Variants in CDC25C observed in about 807,000 individuals in gnomAD.
The protein encoded by CDC25C is M-phase inducer phosphatase 3.
CDC25C carries 48 observed loss-of-function variants against 52.5 expected under a neutral mutation model. That is an observed-to-expected ratio of 0.91 (90% CI 0.72 to 1.16). The LOEUF is 1.16. CDC25C is among the 50% of genes most tolerant of loss of function. The probability of loss-of-function intolerance (pLI) is 0.00; values close to 1 mark genes in which losing one functional copy is unlikely to be tolerated. For missense variants in CDC25C, 510 were observed against 566.1 expected, an observed-to-expected ratio of 0.90 and a Z score of 1.01; for synonymous variants, 187 against 206.5, an observed-to-expected ratio of 0.91 and a Z score of 0.81.
At chr5:138,316,916 C>T (rs1758920478) in intron 7 of CDC25C, among the ~76,000 whole-genome samples, 2 of 152,132 alleles carry the variant, frequency 1.3e-5, no homozygotes, top group Non-Finnish European at 2.9e-5. Context: ...TGCTAACCCT[C>T]TACTTGTCTG....
intron 7 of CDC25C, among the ~76,000 whole-genome samples, chr5:138,297,365 T>A (rs1277855743): frequency 6.6e-6 from 1 of 152,128 alleles, no homozygotes; most frequent in Non-Finnish European, 1.5e-5. Flanking sequence ...CCGGCCTAGT[T>A]CTTTATTTCT....
chr5:138,328,409 G>A (rs1485728840), intron 4 of CDC25C, 75 bp downstream of exon 4: 12 of 1,354,732 alleles, frequency 8.9e-6, no homozygotes, highest in Non-Finnish European at 1.2e-5. Context: ...ACTCTGCAGA[G>A]TCTGCACAGG....
intron 6 of CDC25C, among the ~76,000 whole-genome samples, chr5:138,323,606 C>G (rs1283194624): frequency 6.6e-6 from 1 of 152,090 alleles, no homozygotes. Context: ...GCCACAACAT[C>G]TGGCCTAATT....
intron 7 of CDC25C, among the ~76,000 whole-genome samples, chr5:138,303,841 T>C (rs763967559): frequency 4.6e-5 from 7 of 152,204 alleles, no homozygotes; most frequent in Admixed American, 2.6e-4. Context: ...CAGATACTAC[T>C]GTATCTCTGG....
At chr5:138,325,481 CA>C (rs1376931448) in intron 6 of CDC25C, among the ~76,000 whole-genome samples, 1 of 152,102 alleles carries the variant, frequency 6.6e-6, no homozygotes, top group Non-Finnish European at 1.5e-5. Flanking sequence ...ACAAGTTATG[CA>C]AGTTATCCCT....
At chr5:138,332,941 T>C (rs976800559), upstream of CDC25C, among the ~76,000 whole-genome samples, 2 of 152,140 alleles carry the variant, frequency 1.3e-5, no homozygotes, top group African/African-American at 4.8e-5. Context: ...TGTTGAGTGA[T>C]GGGGGCAGGA....
rs964390388 is a variant in CDC25C at position 138,320,821 on chromosome 5, C to T, written c.460-1447G>A. On this transcript the variant is annotated intron_variant, in intron 6 of 13. Transcript: ENST00000323760. ...ATCCCAGCTACTAGGGAGGTTAAGG[C>T]ATAAGAATCACCTGAACCTGGGAGA... Among the ~76,000 whole-genome samples, 202 of 141,124 alleles carry T rather than the reference C, an allele frequency of 1.4e-3. 1 individual carries two copies. Among genetic ancestry groups the T allele is most frequent in the African/African-American group, 4.9e-3 (185 of 37,880 alleles). The allele number at this position is 141,124 out of a possible 152,430, so 92.6% of individuals were successfully genotyped here.
At chr5:138,318,694 G>C (rs993659248) in intron 7 of CDC25C, among the ~76,000 whole-genome samples, 10 of 152,090 alleles carry the variant, frequency 6.6e-5, no homozygotes, top group African/African-American at 2.4e-4. Flanking sequence ...CAGCCTAGGC[G>C]ACAGAGCGAG....
intron 7 of CDC25C, among the ~76,000 whole-genome samples, chr5:138,307,223 G>T (rs1182123868): frequency 6.6e-6 from 1 of 151,852 alleles, no homozygotes; most frequent in Non-Finnish European, 1.5e-5. Flanking sequence ...TGACTTTATG[G>T]CCATGCATGG....
chr5:138,328,540 A>G lies in CDC25C; in HGVS notation c.290-11T>C. Reference sequence around the variant, plus strand: ...AAGAATCCAGGTGACCTGCAATCAAATATAAAGAATCAGTAAAAGGAGTTA... The same window carrying G: ...AAGAATCCAGGTGACCTGCAATCAAGTATAAAGAATCAGTAAAAGGAGTTA... On this transcript the variant is annotated splice_polypyrimidine_tract_variant and intron_variant, in intron 3 of 13. Transcript: ENST00000323760. 1 of 1,610,818 alleles carries G rather than the reference A, an allele frequency of 6.2e-7. No individual in the cohort carries two copies. Among genetic ancestry groups the G allele is most frequent in the South Asian group, 1.1e-5 (1 of 91,002 alleles).
chr5:138,331,547 G>A (rs1760388104), intron 1 of CDC25C, 48 bp downstream of exon 1: 1 of 1,073,378 alleles, frequency 9.3e-7, no homozygotes. Context: ...CCCTAAGGGG[G>A]ACAATGGGGT....
chr5:138,327,314 A>G (rs886810501), intron 4 of CDC25C, among the ~76,000 whole-genome samples: 4 of 145,088 alleles, frequency 2.8e-5, no homozygotes, highest in Non-Finnish European at 6.0e-5. Context: ...TATCTGGGTT[A>G]GAGCATTTAA....
intron 2 of CDC25C, among the ~76,000 whole-genome samples, chr5:138,330,406 G>A (rs568978601): frequency 2.0e-5 from 3 of 152,280 alleles, no homozygotes; most frequent in African/African-American, 4.8e-5. Flanking sequence ...CTAATAAAGT[G>A]ACCGACTCGT....
At chr5:138,287,642 A>G (rs11568004) in intron 10 of CDC25C, among the ~76,000 whole-genome samples, 4,164 of 152,174 alleles carry the variant, frequency 0.027, 83 homozygotes, top group Middle Eastern at 0.037. Context: ...ACCCACCATC[A>G]AAAAGGAAGA....
intron 1 of CDC25C, chr5:138,337,419 T>C (rs72803838): frequency 0.014 from 2,146 of 154,028 alleles, 23 homozygotes; most frequent in Non-Finnish European, 0.023. Flanking sequence ...CCTCCTTCCC[T>C]TTCTGTTTAA....
At chr5:138,298,271 G>A (rs2126694606) in intron 7 of CDC25C, among the ~76,000 whole-genome samples, 1 of 151,364 alleles carries the variant, frequency 6.6e-6, no homozygotes, top group East Asian at 1.9e-4. Flanking sequence ...AAAGTGCTGG[G>A]ATTACAGATG....
At chr5:138,312,825 G>A (rs1758552371) in intron 7 of CDC25C, among the ~76,000 whole-genome samples, 1 of 151,990 alleles carries the variant, frequency 6.6e-6, no homozygotes, top group South Asian at 2.1e-4. Context: ...TGGTTATGAT[G>A]ATAAAGGTTA....
chr5:138,310,559 A>C (rs1359319635), intron 7 of CDC25C, among the ~76,000 whole-genome samples: 1 of 152,218 alleles, frequency 6.6e-6, no homozygotes, highest in Non-Finnish European at 1.5e-5. Flanking sequence ...AAGCACTTAC[A>C]CTACACAATA....
chr5:138,335,899 T>C (rs1333421243), upstream of CDC25C, among the ~76,000 whole-genome samples: 1 of 151,728 alleles, frequency 6.6e-6, no homozygotes, highest in Non-Finnish European at 1.5e-5. Flanking sequence ...ATTTAATTAA[T>C]AATAAAAAGG....
Sources: allele counts gnomAD v4.1 joint callset (sites outside exome capture counted in the v4.1 genomes callset), GRCh38; gene constraint gnomAD v4.1.1; transcripts MANE v1.5; gene names NCBI Gene and HGNC (gene_info 2026-07-23, HGNC 2026-07-21).